Variants in SLC44A5 observed in about 807,000 individuals in gnomAD.
SLC44A5 encodes the protein solute carrier family 44 member 5.
SLC44A5 carries 57 observed loss-of-function variants against 101.8 expected under a neutral mutation model. The ratio of observed to expected loss-of-function variants is 0.56; its 90% CI spans 0.45 to 0.70. The LOEUF (loss-of-function observed/expected upper bound fraction) is 0.70, where lower values mean the gene tolerates loss of function less well. Ranked by LOEUF, SLC44A5 falls within the 30% of genes least tolerant of loss-of-function variation. The probability of loss-of-function intolerance (pLI) is 0.00; values close to 1 mark genes in which losing one functional copy is unlikely to be tolerated. For missense variants in SLC44A5, 737 were observed against 853.1 expected (o/e 0.86, Z 1.70); for synonymous variants, 281 against 290.9 (o/e 0.97, Z 0.35).
At chr1:75,388,929 CAT>C (rs1010060921) in intron 3 of SLC44A5, among the ~76,000 whole-genome samples, 1 of 152,008 alleles carries the variant, frequency 6.6e-6, no homozygotes, top group Non-Finnish European at 1.5e-5. Context: ...AGACACATAT[CAT>C]GTGTAACAAC....
intron 3 of SLC44A5, among the ~76,000 whole-genome samples, chr1:75,388,614 A>G (rs1661567717): frequency 6.6e-6 from 1 of 152,084 alleles, no homozygotes; most frequent in African/African-American, 2.4e-5. Context: ...CCCTGTCTCT[A>G]CTAATAATAC....
chr1:75,342,936 C>T (rs1430894073), intron 3 of SLC44A5, among the ~76,000 whole-genome samples: 1 of 152,120 alleles, frequency 6.6e-6, no homozygotes, highest in Non-Finnish European at 1.5e-5. Context: ...GTGATTACTT[C>T]ACCCTGCCCC....
intron 4 of SLC44A5, among the ~76,000 whole-genome samples, chr1:75,316,474 T>G (rs1655696905): frequency 6.6e-6 from 1 of 152,216 alleles, no homozygotes; most frequent in Admixed American, 6.5e-5. Context: ...AGTTCCCTCT[T>G]TGATGCTCCC....
the SLC44A5 span, among the ~76,000 whole-genome samples, chr1:75,617,814 T>C: frequency 6.6e-6 from 1 of 152,252 alleles, no homozygotes; most frequent in Non-Finnish European, 1.5e-5. Flanking sequence ...GTGTATAATA[T>C]TAGACTTTGT....
chr1:75,202,670 T>C lies in SLC44A5; in HGVS notation c.*1057A>G, dbSNP rs1646683328. The C allele has an allele frequency of 6.6e-6, 1 of 152,088 alleles. No individual in the cohort carries two copies. The highest frequency in any genetic ancestry group is 1.5e-5 in the Non-Finnish European group (1 of 68,002). The allele number at this position is 152,088 out of a possible 1,614,324, so 9.4% of individuals were successfully genotyped here. ...AACAGGCTTTGATGAAAATAAATGA[T>C]CATTTAAAAGGGAGCTATTCAGTAC... On this transcript the variant is annotated 3_prime_UTR_variant, in exon 24 of 24. Coordinates refer to ENST00000370859, the MANE Select transcript of SLC44A5 (RefSeq NM_001130058.2).
In SLC44A5 at chr1:75,246,838, G is replaced by T. The variant is rs1331813673; in HGVS notation, c.346-3827C>A. On this transcript the variant is annotated intron_variant, in intron 7 of 23. Transcript: ENST00000370859. Reference sequence around the variant, plus strand: ...AAGTCTAAGTCTCTAAGGCAGGAGAGTTCCTGGATCCTTTCAAGTATTAGT... The same window carrying T: ...AAGTCTAAGTCTCTAAGGCAGGAGATTTCCTGGATCCTTTCAAGTATTAGT... Among the ~76,000 whole-genome samples the T allele has an allele frequency of 2.6e-5, 4 of 152,028 alleles. No individual in the cohort carries two copies. In the East Asian group the frequency reaches 7.7e-4, roughly 29 times the overall value.
chr1:75,264,073 T>C (rs1163743732), intron 6 of SLC44A5, among the ~76,000 whole-genome samples: 4 of 150,030 alleles, frequency 2.7e-5, no homozygotes, highest in Non-Finnish European at 5.9e-5. Context: ...GGCACGTGTA[T>C]ACCTATGTAA....
intron 2 of SLC44A5, among the ~76,000 whole-genome samples, chr1:75,438,868 GA>G (rs549566944): frequency 1.3e-4 from 20 of 152,160 alleles, no homozygotes; most frequent in African/African-American, 4.8e-4. Context: ...TCTCTTCAAA[GA>G]CTTCAGATAT....
At chr1:75,652,729 G>A in the SLC44A5 span, among the ~76,000 whole-genome samples, 17 of 152,174 alleles carry the variant, frequency 1.1e-4, no homozygotes, top group Non-Finnish European at 2.5e-4. Context: ...AGGAGTATGA[G>A]GTTGCAGTGA....
chr1:75,707,685 C>A, the SLC44A5 span, among the ~76,000 whole-genome samples: 2 of 152,092 alleles, frequency 1.3e-5, no homozygotes, highest in African/African-American at 4.8e-5. Context: ...TCTATGAAAA[C>A]CCTATCCTCT....
At chr1:75,680,318 A>G in the SLC44A5 span, among the ~76,000 whole-genome samples, 2 of 151,918 alleles carry the variant, frequency 1.3e-5, no homozygotes, top group African/African-American at 2.4e-5. Flanking sequence ...CATTTTTTTC[A>G]GCACCACACC....
intron 7 of SLC44A5, among the ~76,000 whole-genome samples, chr1:75,250,731 GAGCCACCCTTAAGTGCTTA>G (rs1649497993): frequency 6.6e-6 from 1 of 152,156 alleles, no homozygotes; most frequent in South Asian, 2.1e-4. Context: ...AGGAACAGCA[GAGCCACCCTTAAGTGCTTA>G]AGCCACCCTT....
intron 4 of SLC44A5, chr1:75,311,843 G>C (rs149159764): frequency 1.3e-5 from 2 of 152,278 alleles, no homozygotes; most frequent in African/African-American, 2.4e-5. Context: ...TAAGGAAGGG[G>C]TCTCTGAAGT....
chr1:75,607,630 A>G (rs530089421), intron 1 of SLC44A5, among the ~76,000 whole-genome samples: 7 of 152,060 alleles, frequency 4.6e-5, no homozygotes, highest in African/African-American at 1.7e-4. Flanking sequence ...CATGGGAGGG[A>G]CCCAGTGGGA....
chr1:75,589,887 A>G (rs973927071), intron 1 of SLC44A5, among the ~76,000 whole-genome samples: 47 of 152,260 alleles, frequency 3.1e-4, no homozygotes, highest in African/African-American at 1.1e-3. Context: ...CCAGAGGGGA[A>G]TTGTCCATCT....
intron 4 of SLC44A5, among the ~76,000 whole-genome samples, chr1:75,305,947 G>A (rs970613072): frequency 6.6e-6 from 1 of 152,192 alleles, no homozygotes; most frequent in Non-Finnish European, 1.5e-5. Context: ...TAGATCAAGG[G>A]CAGCAAACTA....
At chr1:75,519,931 C>T (rs964089812) in intron 2 of SLC44A5, among the ~76,000 whole-genome samples, 1 of 152,232 alleles carries the variant, frequency 6.6e-6, no homozygotes, top group Admixed American at 6.5e-5. Context: ...AATCTTGAGA[C>T]AGCTGATGTA....
At chr1:75,406,764 C>T (rs929908718) in intron 2 of SLC44A5, among the ~76,000 whole-genome samples, 1 of 152,130 alleles carries the variant, frequency 6.6e-6, no homozygotes, top group African/African-American at 2.4e-5. Context: ...ACTGAATGGG[C>T]AAAAGCTGGA....
At chr1:75,574,407 A>T (rs986191352) in intron 1 of SLC44A5, among the ~76,000 whole-genome samples, 2 of 152,236 alleles carry the variant, frequency 1.3e-5, no homozygotes, top group African/African-American at 4.8e-5. Flanking sequence ...TTGGGATGTT[A>T]TCTTCTGTGA....
Sources: allele counts gnomAD v4.1 joint callset (sites outside exome capture counted in the v4.1 genomes callset), GRCh38; gene constraint gnomAD v4.1.1; transcripts MANE v1.5; gene names NCBI Gene and HGNC (gene_info 2026-07-23, HGNC 2026-07-21).